Variants in SUPT3H observed in about 807,000 individuals in gnomAD.
SUPT3H encodes transcription initiation protein SPT3 homolog.
In SUPT3H, 44 loss-of-function variants were observed where a neutral mutation model predicts 44.3. That is an observed-to-expected ratio of 0.99 (90% CI 0.78 to 1.28). The LOEUF is 1.28. SUPT3H is among the 50% of genes most tolerant of loss of function. The pLI, the probability that SUPT3H is intolerant of heterozygous loss-of-function variation, is 0.00. For synonymous variants in SUPT3H, 124 were observed against 125.6 expected (o/e 0.99, Z 0.09); for missense variants, 380 against 387.1 (o/e 0.98, Z 0.15).
chr6:44,961,718 T>C (rs371734300), intron 7 of SUPT3H, 35 bp downstream of exon 7: 8 of 1,477,594 alleles, frequency 5.4e-6, no homozygotes, highest in South Asian at 1.2e-5. Context: ...AAATCTCTTA[T>C]GCATATAATT....
chr6:44,819,840 T>C (rs1179097881), intron 11 of SUPT3H, among the ~76,000 whole-genome samples: 1 of 152,120 alleles, frequency 6.6e-6, no homozygotes, highest in Non-Finnish European at 1.5e-5. Context: ...CTGCAACATA[T>C]GAAGTGATAA....
chr6:45,178,257 G>A (rs1350549328), intron 2 of SUPT3H, among the ~76,000 whole-genome samples: 1 of 152,056 alleles, frequency 6.6e-6, no homozygotes, highest in South Asian at 2.1e-4. Flanking sequence ...AAAAAAGGCA[G>A]GGGTTGCAAT....
intron 10 of SUPT3H, among the ~76,000 whole-genome samples, chr6:44,877,621 C>T (rs1199277224): frequency 6.6e-6 from 1 of 152,182 alleles, no homozygotes; most frequent in Non-Finnish European, 1.5e-5. Context: ...ACTTCTTCAG[C>T]ATGGCTAAAG....
At position 45,281,975 on chromosome 6, in the gene SUPT3H, C is replaced by A. The variant is rs182589744; in HGVS notation, c.101+83226G>T. The stretch of plus-strand genomic sequence containing the variant: ...CATCCACTGCTGATACCCAGGCAAA[C>A]AGGGTCTAGAGTGGACATCCAGCAA... On this transcript the variant is annotated intron_variant, in intron 2 of 10. Coordinates refer to ENST00000371459, the MANE Select transcript of SUPT3H (RefSeq NM_003599.4). 1.8e-3 allele frequency among the ~76,000 whole-genome samples: 280 copies of A among 152,324 alleles called. 2 individuals carry two copies. Among genetic ancestry groups the A allele is most frequent in the Admixed American group, 4.3e-3 (66 of 15,302 alleles).
intron 2 of SUPT3H, among the ~76,000 whole-genome samples, chr6:45,134,989 C>CCCAAAT (rs1804050706): frequency 6.6e-6 from 1 of 152,134 alleles, no homozygotes; most frequent in East Asian, 1.9e-4. Context: ...TCACCTTGGC[C>CCCAAAT]CCAAATGTCT....
intron 2 of SUPT3H, chr6:45,322,947 G>C (rs772303405): frequency 6.2e-7 from 1 of 1,609,148 alleles, no homozygotes; most frequent in East Asian, 2.2e-5. Flanking sequence ...CAGTGCTACA[G>C]CTGTTATTGA....
chr6:45,199,141 C>T (rs1816575117), intron 2 of SUPT3H, among the ~76,000 whole-genome samples: 1 of 151,034 alleles, frequency 6.6e-6, no homozygotes, highest in Admixed American at 6.6e-5. Context: ...AACTCAAAGA[C>T]AATAAAATAC....
intron 3 of SUPT3H, among the ~76,000 whole-genome samples, chr6:45,074,847 C>T (rs1205640533): frequency 6.6e-6 from 1 of 152,040 alleles, no homozygotes; most frequent in Non-Finnish European, 1.5e-5. Flanking sequence ...AGATATTATA[C>T]ATACACACAT....
chr6:45,164,652 C>T (rs530857801), intron 2 of SUPT3H, among the ~76,000 whole-genome samples: 2 of 152,096 alleles, frequency 1.3e-5, no homozygotes, highest in African/African-American at 2.4e-5. Flanking sequence ...CAAAAGTTCC[C>T]CTAAGGTCAG....
intron 2 of SUPT3H, among the ~76,000 whole-genome samples, chr6:45,148,624 A>G (rs906236266): frequency 2.0e-5 from 3 of 152,130 alleles, no homozygotes; most frequent in African/African-American, 7.2e-5. Context: ...TAGTACTACA[A>G]CTTTTCTTCT....
At chr6:44,881,417 A>ATC (rs946602118) in intron 10 of SUPT3H, among the ~76,000 whole-genome samples, 1 of 152,196 alleles carries the variant, frequency 6.6e-6, no homozygotes, top group Non-Finnish European at 1.5e-5. Context: ...AAAGAGACTT[A>ATC]GACTCCCACA....
At chr6:45,040,614 T>C (rs1004372899) in intron 3 of SUPT3H, among the ~76,000 whole-genome samples, 4 of 152,184 alleles carry the variant, frequency 2.6e-5, no homozygotes, top group African/African-American at 9.7e-5. Context: ...AAAAAGCTTT[T>C]CAAAGAGAAA....
At chr6:45,002,575 T>C (rs935562738) in intron 6 of SUPT3H, among the ~76,000 whole-genome samples, 3 of 152,122 alleles carry the variant, frequency 2.0e-5, no homozygotes, top group Non-Finnish European at 2.9e-5. Flanking sequence ...TGGGCAATGA[T>C]GACATCAGAA....
intron 2 of SUPT3H, among the ~76,000 whole-genome samples, chr6:45,188,929 T>C (rs888422739): frequency 1.3e-5 from 2 of 152,150 alleles, no homozygotes; most frequent in African/African-American, 4.8e-5. Flanking sequence ...AAGGTGGCAA[T>C]ATCATTGGCA....
intron 2 of SUPT3H, among the ~76,000 whole-genome samples, chr6:45,172,591 ATATT>A (rs1004346953): frequency 9.0e-5 from 2 of 22,202 alleles, no homozygotes; most frequent in African/African-American, 3.0e-4. Context: ...AAAGATAGAT[ATATT>A]TTTTTTTTTT....
chr6:44,855,240 T>C (rs978274000), intron 10 of SUPT3H, among the ~76,000 whole-genome samples: 1 of 152,200 alleles, frequency 6.6e-6, no homozygotes, highest in Non-Finnish European at 1.5e-5. Flanking sequence ...AGGGAGGTGC[T>C]GACGGGCTTG....
chr6:45,014,754 C>A, intron 5 of SUPT3H, 47 bp downstream of exon 5: 1 of 1,354,130 alleles, frequency 7.4e-7, no homozygotes, highest in Non-Finnish European at 1.0e-6. Flanking sequence ...ATCCAGCACA[C>A]ATGTGTCATA....
intron 10 of SUPT3H, among the ~76,000 whole-genome samples, chr6:44,912,104 A>C (rs1767137713): frequency 6.6e-6 from 1 of 152,186 alleles, no homozygotes; most frequent in African/African-American, 2.4e-5. Flanking sequence ...AATATATATA[A>C]CAAAATTTGT....
At chr6:45,273,606 C>T (rs7451423) in intron 2 of SUPT3H, among the ~76,000 whole-genome samples, 58,231 of 151,992 alleles carry the variant, frequency 0.38, 11,828 homozygotes, top group East Asian at 0.71. Flanking sequence ...TTCACATTTT[C>T]CACAAACTTT....
Sources: gnomAD v4.1 joint callset for allele counts (sites outside exome capture counted in the v4.1 genomes callset) on GRCh38, gnomAD v4.1.1 for gene constraint, MANE v1.5 for transcripts, NCBI Gene and HGNC (gene_info 2026-07-23, HGNC 2026-07-21) for gene names.